Variants in CDK13 observed in about 807,000 individuals in gnomAD.
CDK13 encodes cyclin-dependent kinase 13.
CDK13 carries 40 observed loss-of-function variants against 137.6 expected under a neutral mutation model. The observed-to-expected ratio is 0.29, with a 90% CI of 0.23 to 0.38. The LOEUF is 0.38. Ranked by LOEUF, CDK13 falls within the 10% of genes least tolerant of loss-of-function variation. The pLI is 1.00. For missense variants in CDK13, 1,704 were observed against 1,951.8 expected (o/e 0.87, Z 2.39); for synonymous variants, 869 against 760.1 (o/e 1.14, Z -2.36).
intron 2 of CDK13, among the ~76,000 whole-genome samples, chr7:39,993,491 A>G (rs567650563): frequency 6.6e-6 from 1 of 152,034 alleles, no homozygotes; most frequent in South Asian, 2.1e-4. Context: ...ATTTTGCTTC[A>G]TTCTCAAAAT....
intron 7 of CDK13, among the ~76,000 whole-genome samples, chr7:40,052,317 C>T (rs1490918174): frequency 6.6e-6 from 1 of 152,096 alleles, no homozygotes; most frequent in African/African-American, 2.4e-5. Context: ...GATGGGATTA[C>T]AGGCACCTGC....
At chr7:40,041,286 A>G (rs1042549976) in intron 5 of CDK13, among the ~76,000 whole-genome samples, 87 of 152,322 alleles carry the variant, frequency 5.7e-4, no homozygotes, top group African/African-American at 2.0e-3. Context: ...AGATCGTGCC[A>G]CTGCACTCCA....
At chr7:40,029,423 G>GA (rs1394223691) in intron 5 of CDK13, among the ~76,000 whole-genome samples, 25 of 141,880 alleles carry the variant, frequency 1.8e-4, no homozygotes, top group East Asian at 2.1e-4. Flanking sequence ...AGACTGTGTG[G>GA]AAAAAAAAAA....
At chr7:40,089,241 C>T (rs1239856143) in intron 12 of CDK13, among the ~76,000 whole-genome samples, 1 of 151,260 alleles carries the variant, frequency 6.6e-6, no homozygotes, top group Non-Finnish European at 1.5e-5. Context: ...TCGAGACCAG[C>T]CCAGACAACT....
At position 40,094,960 on chromosome 7, in the gene CDK13, G is replaced by GGCAGAA; in HGVS notation, c.4524_4525insAGCAGA (p.Arg1508_Gly1509insSerArg). 7.0e-7 allele frequency: 1 copy of GGCAGAA among 1,420,868 alleles called. No individual in the cohort carries two copies. Among genetic ancestry groups the GGCAGAA allele is most frequent in the Non-Finnish European group, 9.2e-7 (1 of 1,084,792 alleles). 88.0% of individuals were successfully genotyped at this position (1,420,868 alleles called of 1,614,324 possible). The stretch of plus-strand genomic sequence containing the variant: ...TAGCACATCAACTGGCAGAGGCAGA[G>GGCAGAA]GCAGAGGGTTACCATACTGAGTATC... On this transcript the variant is annotated inframe_insertion, in exon 14 of 14. Transcript: ENST00000181839.
chr7:40,064,325 T>A (rs550309137), intron 9 of CDK13, among the ~76,000 whole-genome samples: 1 of 150,744 alleles, frequency 6.6e-6, no homozygotes, highest in Non-Finnish European at 1.5e-5. Flanking sequence ...TTCAGTTTCA[T>A]ATGTAATAAT....
Position 39,987,925 on chromosome 7 carries a change from A to G in CDK13, c.1538A>G (p.Lys513Arg), listed in dbSNP as rs1472924993. The change falls in exon 2 of 14, where the codon AAG becomes AGG. Residue 513 changes from lysine to arginine, a missense_variant. Physicochemically the swap from Lys to Arg is conservative, Grantham distance 26. Around this residue, in one of 5 missense-constraint regions of CDK13, gnomAD observed 1,051 missense variants for 931.0 expected, o/e 1.13. Coordinates refer to ENST00000181839, the MANE Select transcript of CDK13 (RefSeq NM_003718.5). ...SASASQTNHV[K>R]DVKKIKIEHA... ...AGTGCATCACAAACAAACCATGTGA[A>G]GGATGTGAAGAAAATTAAAATTGAA... The G allele has an allele frequency of 6.2e-7, 1 of 1,614,156 alleles. No individual in the cohort carries two copies. The highest frequency in any genetic ancestry group is 1.1e-5 in the South Asian group (1 of 91,088).
chr7:40,003,800 A>T (rs1390965597), intron 5 of CDK13, among the ~76,000 whole-genome samples: 7 of 152,144 alleles, frequency 4.6e-5, no homozygotes, highest in African/African-American at 1.7e-4. Flanking sequence ...AGACACACAC[A>T]TACCCACACA....
intron 1 of CDK13, among the ~76,000 whole-genome samples, chr7:39,960,491 T>G (rs940517451): frequency 9.9e-5 from 15 of 152,054 alleles, no homozygotes; most frequent in African/African-American, 2.9e-4. Context: ...TCTCCTGACC[T>G]CGTGATCCGC....
intron 5 of CDK13, among the ~76,000 whole-genome samples, chr7:40,015,165 C>T (rs188594823): frequency 4.6e-5 from 7 of 152,192 alleles, no homozygotes; most frequent in Admixed American, 3.9e-4. Flanking sequence ...GTTAGTACCA[C>T]GTTTTGAAAT....
At chr7:39,961,097 G>A (rs1275810875) in intron 1 of CDK13, among the ~76,000 whole-genome samples, 4 of 151,726 alleles carry the variant, frequency 2.6e-5, no homozygotes, top group African/African-American at 9.7e-5. Flanking sequence ...AGTGGCTCAC[G>A]CCTGTAATCC....
intron 5 of CDK13, among the ~76,000 whole-genome samples, chr7:40,031,031 A>G (rs767439436): frequency 6.6e-6 from 1 of 152,216 alleles, no homozygotes; most frequent in African/African-American, 2.4e-5. Flanking sequence ...TTGATGGATT[A>G]TATATGGTAA....
At chr7:40,005,867 G>A (rs928114101) in intron 5 of CDK13, among the ~76,000 whole-genome samples, 5 of 152,012 alleles carry the variant, frequency 3.3e-5, no homozygotes, top group Non-Finnish European at 7.4e-5. Context: ...GACCACACAC[G>A]CATGACAGCG....
intron 1 of CDK13, among the ~76,000 whole-genome samples, chr7:39,983,730 T>A (rs1046366695): frequency 2.6e-5 from 4 of 152,182 alleles, no homozygotes; most frequent in Admixed American, 2.0e-4. Context: ...ACATGACGTA[T>A]ATCAGACTTG....
In CDK13 at chr7:40,050,575, T is replaced by G. The variant is rs554769449; in HGVS notation, c.2600+2698T>G. 2.0e-5 allele frequency among the ~76,000 whole-genome samples: 3 copies of G among 152,200 alleles called. No homozygotes were observed. The East Asian group carries it at 5.8e-4, about 29-fold the overall frequency. On this transcript the variant is annotated intron_variant, in intron 7 of 13. Coordinates refer to ENST00000181839, the MANE Select transcript of CDK13 (RefSeq NM_003718.5). ...CCCAGCTAATTTTTGTATTTTTTAG[T>G]AGAGACAGGATTTCGCCATGTTGGC... is the stretch of plus-strand genomic sequence containing the variant.
intron 7 of CDK13, among the ~76,000 whole-genome samples, chr7:40,050,466 A>G (rs996435210): frequency 1.3e-5 from 2 of 152,188 alleles, no homozygotes. Context: ...ATCTCAGCTC[A>G]CTGCAACCTC....
chr7:39,974,859 C>A (rs1326940627), intron 1 of CDK13, among the ~76,000 whole-genome samples: 1 of 152,130 alleles, frequency 6.6e-6, no homozygotes, highest in Non-Finnish European at 1.5e-5. Context: ...CCACAGTGCC[C>A]AGCCGGAATT....
chr7:40,011,032 G>A (rs1784883709), intron 5 of CDK13, among the ~76,000 whole-genome samples: 1 of 152,120 alleles, frequency 6.6e-6, no homozygotes, highest in Admixed American at 6.5e-5. Context: ...CATGTTCATC[G>A]ATTAGAAAAT....
chr7:39,974,556 C>CTTTTTTTTTTTTTT (rs59844316), intron 1 of CDK13, among the ~76,000 whole-genome samples: 1 of 132,990 alleles, frequency 7.5e-6, no homozygotes, highest in Non-Finnish European at 1.6e-5. Context: ...TTCTTTTTTT[C>CTTTTTTTTTTTTTT]TTTTTTTTTT....
Sources: allele counts gnomAD v4.1 joint callset (sites outside exome capture counted in the v4.1 genomes callset), GRCh38; gene constraint gnomAD v4.1.1; regional missense constraint gnomAD v4.1.1; transcripts MANE v1.5; gene names NCBI Gene and HGNC (gene_info 2026-07-23, HGNC 2026-07-21).